Variants in ARFIP1 observed in about 807,000 individuals in gnomAD.
ARFIP1 encodes ARF interacting protein 1, also known as arfaptin-1.
Under a neutral mutation model 42.5 loss-of-function variants are expected in ARFIP1, and 24 were observed. The observed-to-expected ratio is 0.57, with a 90% CI of 0.41 to 0.80. The LOEUF is 0.80. Ranked by LOEUF, ARFIP1 falls within the 30% of genes least tolerant of loss-of-function variation. The probability of loss-of-function intolerance (pLI) is 0.00; values close to 1 mark genes in which losing one functional copy is unlikely to be tolerated. For missense variants in ARFIP1, 354 were observed against 434.0 expected (o/e 0.82, Z 1.64); for synonymous variants, 141 against 153.7 (o/e 0.92, Z 0.61).
rs1294934151 is a variant in ARFIP1, at chr4:152,911,168, C to G, written c.*949C>G. 1 of 152,578 alleles carries G rather than the reference C, an allele frequency of 6.6e-6. No individual in the cohort carries two copies. Among genetic ancestry groups the G allele is most frequent in the Non-Finnish European group, 1.5e-5 (1 of 68,020 alleles). The allele number at this position is 152,578 out of a possible 1,614,324, so 9.5% of individuals were successfully genotyped here. A position where few individuals can be genotyped will look rare whatever the true frequency, so the allele number is the denominator to read the frequency against. ...CAGTAATTCTTGTTCAACCAATGTA[C>G]AAAATCCATAAAGAAACCCCTGTTG... On this transcript the variant is annotated 3_prime_UTR_variant, in exon 9 of 9. Coordinates refer to ENST00000353617, the MANE Select transcript of ARFIP1 (RefSeq NM_001025595.3).
intron 1 of ARFIP1, among the ~76,000 whole-genome samples, chr4:152,795,281 T>C (rs1477213713): frequency 6.6e-6 from 1 of 152,184 alleles, no homozygotes; most frequent in Non-Finnish European, 1.5e-5. Context: ...TTTTGCTTTT[T>C]TCAGACTTTG....
intron 1 of ARFIP1, among the ~76,000 whole-genome samples, chr4:152,784,933 C>T (rs1440497574): frequency 6.6e-6 from 1 of 152,252 alleles, no homozygotes. Context: ...CAGTGACATA[C>T]TGCCTTTGGA....
chr4:152,789,080 CTTTTTTTT>C (rs71598215), intron 1 of ARFIP1, among the ~76,000 whole-genome samples: 6 of 71,858 alleles, frequency 8.3e-5, no homozygotes, highest in Admixed American at 2.9e-4. Context: ...AGAATACAGA[CTTTTTTTT>C]TTTTTTTTTT....
chr4:152,871,417 T>C (rs1734872835), intron 4 of ARFIP1, among the ~76,000 whole-genome samples: 1 of 152,158 alleles, frequency 6.6e-6, no homozygotes, highest in Admixed American at 6.5e-5. Context: ...ACTATAAAAA[T>C]GGGAGAAAAA....
chr4:152,825,392 A>G (rs919657713), intron 1 of ARFIP1, among the ~76,000 whole-genome samples: 2 of 152,310 alleles, frequency 1.3e-5, no homozygotes, highest in East Asian at 1.9e-4. Flanking sequence ...ACCCAGAAAT[A>G]AAGCCAAATA....
At chr4:152,894,596 G>T (rs1308909905) in intron 8 of ARFIP1, among the ~76,000 whole-genome samples, 3 of 152,132 alleles carry the variant, frequency 2.0e-5, no homozygotes, top group African/African-American at 4.8e-5. Context: ...AGTTATATAG[G>T]TGAAAGAACT....
intron 1 of ARFIP1, among the ~76,000 whole-genome samples, chr4:152,781,350 C>CT (rs1730485372): frequency 6.7e-6 from 1 of 149,392 alleles, no homozygotes; most frequent in Admixed American, 6.8e-5. Context: ...TTTCTCCTGT[C>CT]TCAGCCTTCT....
chr4:152,786,045 G>A (rs916253257), intron 1 of ARFIP1, among the ~76,000 whole-genome samples: 4 of 152,182 alleles, frequency 2.6e-5, no homozygotes, highest in Admixed American at 1.3e-4. Flanking sequence ...ATGGTGCCTA[G>A]CAGTTTTTGT....
intron 1 of ARFIP1, among the ~76,000 whole-genome samples, chr4:152,795,108 C>T (rs1352839973): frequency 6.6e-6 from 1 of 152,188 alleles, no homozygotes; most frequent in Non-Finnish European, 1.5e-5. Flanking sequence ...CCCTTTCTCA[C>T]CTGCCCAGGG....
intron 2 of ARFIP1, among the ~76,000 whole-genome samples, chr4:152,836,835 G>A (rs1731687259): frequency 6.6e-6 from 1 of 151,428 alleles, no homozygotes; most frequent in Non-Finnish European, 1.5e-5. Flanking sequence ...GTGGTATTTG[G>A]TTACATGAAT....
rs573871004 is a variant in ARFIP1 at position 152,900,895 on chromosome 4, A to C, written c.967-9169A>C. 3.3e-5 allele frequency among the ~76,000 whole-genome samples: 5 copies of C among 152,338 alleles called. No homozygotes were observed. In the South Asian group the frequency reaches 6.2e-4, roughly 19 times the overall value. The stretch of plus-strand genomic sequence containing the variant: ...ACTATCCCAATATTTTTGTACATTT[A>C]ATATAAACCCCTATTTCATAGAATT... On this transcript the variant is annotated intron_variant, in intron 8 of 8. Transcript: ENST00000353617.
At chr4:152,814,349 C>T (rs1457821970) in intron 1 of ARFIP1, among the ~76,000 whole-genome samples, 2 of 152,136 alleles carry the variant, frequency 1.3e-5, no homozygotes, top group Non-Finnish European at 2.9e-5. Context: ...CCATCTCAGC[C>T]TACCAAAGTG....
At chr4:152,795,732 G>A (rs1203704543) in intron 1 of ARFIP1, among the ~76,000 whole-genome samples, 1 of 149,470 alleles carries the variant, frequency 6.7e-6, no homozygotes, top group African/African-American at 2.5e-5. Context: ...GAGTCTAATA[G>A]ATGAGAAATG....
At chr4:152,882,555 T>C (rs1389358025) in intron 6 of ARFIP1, among the ~76,000 whole-genome samples, 168 bp from the exon 7 acceptor site, 3 of 152,212 alleles carry the variant, frequency 2.0e-5, no homozygotes, top group Non-Finnish European at 4.4e-5. Flanking sequence ...TCAGTAATTA[T>C]ATGGCTAGCT....
At chr4:152,838,595 C>T (rs1258346802) in intron 2 of ARFIP1, among the ~76,000 whole-genome samples, 1 of 152,042 alleles carries the variant, frequency 6.6e-6, no homozygotes, top group Non-Finnish European at 1.5e-5. Context: ...CACTGTTGGG[C>T]TATAGAAGAG....
At chr4:152,790,267 G>A (rs921399615) in intron 1 of ARFIP1, among the ~76,000 whole-genome samples, 7 of 152,098 alleles carry the variant, frequency 4.6e-5, no homozygotes, top group Non-Finnish European at 8.8e-5. Context: ...ATTGCTAAGG[G>A]ACAAAAGCAG....
intron 8 of ARFIP1, among the ~76,000 whole-genome samples, chr4:152,900,827 T>C (rs560046461): frequency 3.2e-4 from 48 of 152,218 alleles, no homozygotes; most frequent in Non-Finnish European, 5.0e-4. Flanking sequence ...CAAAATATGA[T>C]TTTTACACTT....
chr4:152,824,176 GT>G (rs1730627331), intron 1 of ARFIP1, among the ~76,000 whole-genome samples: 1 of 151,206 alleles, frequency 6.6e-6, no homozygotes, highest in Admixed American at 6.6e-5. Context: ...AGCTGGAAGT[GT>G]TGGTGCAGGC....
chr4:152,831,362 C>T (rs1388174839), intron 2 of ARFIP1, among the ~76,000 whole-genome samples: 1 of 152,136 alleles, frequency 6.6e-6, no homozygotes, highest in Admixed American at 6.6e-5. Context: ...AGCTGAGGAC[C>T]TTTATCCAAG....
Sources: gnomAD v4.1 joint callset for allele counts (sites outside exome capture counted in the v4.1 genomes callset) on GRCh38, gnomAD v4.1.1 for gene constraint, MANE v1.5 for transcripts, NCBI Gene and HGNC (gene_info 2026-07-23, HGNC 2026-07-21) for gene names.